DYDC1: variants seen among roughly 807,000 people sequenced by gnomAD.
DYDC1 encodes DPY30 domain-containing protein 1.
In DYDC1, 21 loss-of-function variants were observed where a neutral mutation model predicts 27.9. That is an observed-to-expected ratio of 0.75 (90% CI 0.53 to 1.08). DYDC1 has a LOEUF of 1.08. Ranked by LOEUF, DYDC1 falls within the 50% of genes least tolerant of loss-of-function variation. The pLI, the probability that DYDC1 is intolerant of heterozygous loss-of-function variation, is 0.00. For synonymous variants in DYDC1, 67 were observed against 65.8 expected, an observed-to-expected ratio of 1.02 and a Z score of -0.09; for missense variants, 202 against 205.9, an observed-to-expected ratio of 0.98 and a Z score of 0.12.
intron 1 of DYDC1, among the ~76,000 whole-genome samples, chr10:80,355,474 T>G (rs547071653): frequency 6.6e-6 from 1 of 152,238 alleles, no homozygotes; most frequent in Non-Finnish European, 1.5e-5. Context: ...TCATCAATCT[T>G]GCTTCTTGGA....
At chr10:80,351,614 G>C (rs762243877) in intron 3 of DYDC1, among the ~76,000 whole-genome samples, 1 of 151,990 alleles carries the variant, frequency 6.6e-6, no homozygotes, top group South Asian at 2.1e-4. Flanking sequence ...TTTGCCTTCT[G>C]TGACAGCACA....
intron 4 of DYDC1, among the ~76,000 whole-genome samples, chr10:80,340,936 A>T (rs954067767): frequency 6.6e-6 from 1 of 152,184 alleles, no homozygotes; most frequent in Non-Finnish European, 1.5e-5. Flanking sequence ...GTATTTTTTA[A>T]AACTATGTAT....
intron 3 of DYDC1, among the ~76,000 whole-genome samples, chr10:80,346,055 C>G (rs1030235061): frequency 6.6e-6 from 1 of 152,106 alleles, no homozygotes; most frequent in Non-Finnish European, 1.5e-5. Context: ...CCTATGTTGC[C>G]CAAGCTGGTC....
chr10:80,347,219 A>G (rs1271630641), intron 3 of DYDC1, among the ~76,000 whole-genome samples: 1 of 136,546 alleles, frequency 7.3e-6, no homozygotes, highest in Non-Finnish European at 1.6e-5. Context: ...GGCCACTTTT[A>G]TATCTTCCTT....
At position 80,342,048 on chromosome 10, in the gene DYDC1, C is replaced by G. The variant is rs188973491; in HGVS notation, c.342+221G>C. 7.1e-3 allele frequency among the ~76,000 whole-genome samples: 1,027 copies of G among 145,594 alleles called. 10 individuals are homozygous for G. Among genetic ancestry groups the G allele is most frequent in the African/African-American group, 0.024 (967 of 39,804 alleles). ...TCAAAAAAAAAAAAAAAAAAAGGAACCAGTGAGACATTGCTAATAGTATTA... is the reference window on the plus strand; with the variant it reads ...TCAAAAAAAAAAAAAAAAAAAGGAAGCAGTGAGACATTGCTAATAGTATTA... On this transcript the variant is annotated intron_variant, in intron 4 of 6. Coordinates refer to ENST00000372202, the MANE Select transcript of DYDC1 (RefSeq NM_001269053.2).
intron 2 of DYDC1, among the ~76,000 whole-genome samples, chr10:80,352,248 C>G (rs1843040181): frequency 6.6e-6 from 1 of 152,142 alleles, no homozygotes; most frequent in Non-Finnish European, 1.5e-5. Context: ...AGAAAAAAGA[C>G]TTCCCATGAA....
Position 80,342,308 on chromosome 10 carries a change from T to C in DYDC1, c.303A>G (p.Arg101=). The change falls in exon 4 of 7, where the codon AGA becomes AGG. Residue 101 remains arginine (R), a synonymous_variant. Transcript: ENST00000372202. ...CTTGAGCTCTCTGTAGTTCTTGTATTCTCTGCCTCTCCTTTTCTTGCATTT... is the reference window on the plus strand; with the variant it reads ...CTTGAGCTCTCTGTAGTTCTTGTATCCTCTGCCTCTCCTTTTCTTGCATTT... ...ELEMQEKERQ[R]IQELQRAQEQ... is the part of the protein sequence containing the mutation. 6.2e-7 allele frequency: 1 copy of C among 1,613,880 alleles called. No homozygotes were observed. Among genetic ancestry groups the C allele is most frequent in the Admixed American group, 1.7e-5 (1 of 60,022 alleles).
intron 3 of DYDC1, among the ~76,000 whole-genome samples, chr10:80,346,564 C>T (rs1022631444): frequency 3.4e-4 from 51 of 150,360 alleles, no homozygotes; most frequent in African/African-American, 1.1e-3. Context: ...GGGTTCACAC[C>T]ATTCTCCTGT....
At chr10:80,336,014 C>A, downstream of DYDC1, 1 of 613,694 alleles carries the variant, frequency 1.6e-6, no homozygotes, top group East Asian at 3.1e-5. Flanking sequence ...TTTGAGGCTA[C>A]TCTTGAAGCC....
At chr10:80,347,855 G>C (rs886196271) in intron 3 of DYDC1, among the ~76,000 whole-genome samples, 10 of 152,130 alleles carry the variant, frequency 6.6e-5, no homozygotes, top group African/African-American at 2.4e-4. Context: ...AATTACTATG[G>C]CTTTGTAATA....
chr10:80,351,993 C>A lies in DYDC1; in HGVS notation c.157G>T (p.Glu53Ter). The A allele has an allele frequency of 6.2e-7, 1 of 1,614,048 alleles. No individual in the cohort carries two copies. The highest frequency in any genetic ancestry group is 8.5e-7 in the Non-Finnish European group (1 of 1,179,998). Reference sequence around the variant, plus strand: ...CTTTCACGCTCCAGCTTGGCCATTTCCTTTTGTCTCTAGCATTGTTTAAAA... The same window carrying A: ...CTTTCACGCTCCAGCTTGGCCATTTACTTTTGTCTCTAGCATTGTTTAAAA... ...NVTMEQLRQK[E>*]MAKLEREREL... Residue 53 changes from glutamate to a stop codon, truncating the protein, a stop_gained, in exon 3 of 7, where the codon GAA becomes TAA. Coordinates refer to ENST00000372202, the MANE Select transcript of DYDC1 (RefSeq NM_001269053.2). LOFTEE classifies it high-confidence loss of function.
intron 1 of DYDC1, 169 bp downstream of exon 1, chr10:80,356,542 GA>G (rs1236035709): frequency 1.0e-6 from 1 of 985,396 alleles, no homozygotes; most frequent in Non-Finnish European, 1.2e-6. Flanking sequence ...GGAGCAGGAG[GA>G]CAGCTGGCCG....
At position 80,346,606 on chromosome 10, in the gene DYDC1, G is replaced by A. The variant is rs553636123; in HGVS notation, c.250-4245C>T. 7.1e-4 allele frequency among the ~76,000 whole-genome samples: 107 copies of A among 151,492 alleles called. 2 individuals carry two copies. In the East Asian group the frequency reaches 0.019, roughly 27 times the overall value. On this transcript the variant is annotated intron_variant, in intron 3 of 6. Coordinates refer to ENST00000372202, the MANE Select transcript of DYDC1 (RefSeq NM_001269053.2). Reference sequence around the variant, plus strand: ...CTCCTGAGTAGCTGGGACTACAGGCGCCCGCCACCACGCCCGGCTAATTTT... The same window carrying A: ...CTCCTGAGTAGCTGGGACTACAGGCACCCGCCACCACGCCCGGCTAATTTT...
In DYDC1 at chr10:80,338,545, T is replaced by C. The variant is rs755676660; in HGVS notation, c.426A>G (p.Thr142=). 5.6e-6 allele frequency: 9 copies of C among 1,608,606 alleles called. No individual in the cohort carries two copies. In the Admixed American group the frequency reaches 1.2e-4, roughly 21 times the overall value. ...CATAACGATCGCTGATTTCAGCTAG[T>C]GTTTTGCCTGAGTCTAGTGTTGCTT... ...SEEATLDSGK[T]LAEISDRYGA... Residue 142 remains threonine, a synonymous_variant, in exon 6 of 7, where the codon ACA becomes ACG. Coordinates refer to ENST00000372202, the MANE Select transcript of DYDC1 (RefSeq NM_001269053.2).
chr10:80,342,445 A>G, intron 3 of DYDC1, 84 bp from the exon 4 acceptor site: 4 of 1,260,030 alleles, frequency 3.2e-6, no homozygotes, highest in Non-Finnish European at 4.3e-6. Context: ...TCAGAAACTT[A>G]CAATACATGG....
At position 80,342,991 on chromosome 10, in the gene DYDC1, A is replaced by AG. The variant is rs552856663; in HGVS notation, c.250-631_250-630insC. ...GTAAGACTCCCTCTCAAAAAAAAAA[A>AG]AAAAAAAGAAAAGAAGAAAAAAGAA... On this transcript the variant is annotated intron_variant, in intron 3 of 6. Transcript: ENST00000372202. Among the ~76,000 whole-genome samples, 242 of 151,096 alleles carry AG rather than the reference A, an allele frequency of 1.6e-3. 2 individuals are homozygous for AG. The highest frequency in any genetic ancestry group is 5.8e-3 in the African/African-American group (238 of 41,038).
At chr10:80,341,643 T>C (rs1842322559) in intron 4 of DYDC1, among the ~76,000 whole-genome samples, 1 of 151,972 alleles carries the variant, frequency 6.6e-6, no homozygotes, top group Admixed American at 6.6e-5. Flanking sequence ...AGCTAACTCC[T>C]GACTAAAATG....
chr10:80,350,068 C>G (rs532226866), intron 3 of DYDC1, among the ~76,000 whole-genome samples: 143 of 152,148 alleles, frequency 9.4e-4, no homozygotes, highest in Non-Finnish European at 1.5e-3. Context: ...ATCTCAGCCA[C>G]ACTCTCTCAA....
chr10:80,338,964 GA>G, intron 5 of DYDC1, 132 bp downstream of exon 5: 1 of 509,044 alleles, frequency 2.0e-6, no homozygotes, highest in Non-Finnish European at 3.4e-6. Context: ...GTTATCACCG[GA>G]AAATATACAT....
Sources: allele counts gnomAD v4.1 joint callset (sites outside exome capture counted in the v4.1 genomes callset), GRCh38; gene constraint gnomAD v4.1.1; transcripts MANE v1.5; gene names NCBI Gene and HGNC (gene_info 2026-07-23, HGNC 2026-07-21).